Variants in CCDC3 observed in about 807,000 individuals in gnomAD.
CCDC3 encodes coiled-coil domain-containing protein 3.
Under a neutral mutation model 21.4 loss-of-function variants are expected in CCDC3, and 24 were observed. The observed-to-expected ratio is 1.12, with a 90% CI of 0.81 to 1.58. The LOEUF (loss-of-function observed/expected upper bound fraction) is 1.58. Among genes scored for constraint, CCDC3 ranks in the 40% most tolerant of loss-of-function variants. The pLI is 0.00. For missense variants in CCDC3, 425 were observed against 360.9 expected (o/e 1.18, Z -1.44); for synonymous variants, 186 against 166.0 (o/e 1.12, Z -0.93).
At position 12,898,434 on chromosome 10, in the gene CCDC3, G is replaced by A. The variant is rs1834036428; in HGVS notation, c.795C>T (p.Pro265=). Residue 265 remains proline, a synonymous_variant, in exon 3 of 3, where the codon CCC becomes CCT. Transcript: ENST00000378825. ...AGGCCCGTTACCCCCGCAGGTAGGG[G>A]GGGCGCACGGGCCCCCGGGCATTGA... ...PHINARGPVR[P]PYLRG The A allele has an allele frequency of 1.2e-6, 2 of 1,604,084 alleles. No homozygotes were observed. Among genetic ancestry groups the A allele is most frequent in the South Asian group, 2.2e-5 (2 of 90,722 alleles).
chr10:13,045,055 C>G (rs1260080014), intron 5 of CCDC3, among the ~76,000 whole-genome samples: 1 of 152,112 alleles, frequency 6.6e-6, no homozygotes, highest in Non-Finnish European at 1.5e-5. Flanking sequence ...TTTAAACATA[C>G]ACGAACAAGC....
chr10:12,909,899 G>A (rs1564279543), intron 2 of CCDC3, among the ~76,000 whole-genome samples: 2 of 152,228 alleles, frequency 1.3e-5, no homozygotes, highest in African/African-American at 4.8e-5. Flanking sequence ...GAAAAAGGCA[G>A]TGAAAGGCCA....
At chr10:13,024,244 G>C (rs1348180460) in intron 5 of CCDC3, among the ~76,000 whole-genome samples, 1 of 151,316 alleles carries the variant, frequency 6.6e-6, no homozygotes, top group African/African-American at 2.4e-5. Flanking sequence ...TTTCAGTCCA[G>C]GCTGATATAA....
intron 5 of CCDC3, among the ~76,000 whole-genome samples, chr10:13,049,475 G>A (rs1054661588): frequency 2.6e-5 from 4 of 152,098 alleles, no homozygotes; most frequent in Admixed American, 1.3e-4. Flanking sequence ...AACCTGTGAC[G>A]CTGGAAAAGT....
intron 1 of CCDC3, among the ~76,000 whole-genome samples, chr10:12,999,829 C>T (rs77196529): frequency 0.019 from 2,961 of 152,292 alleles, 112 homozygotes; most frequent in African/African-American, 0.068. Flanking sequence ...TTCTCAGTAT[C>T]TTTCCTAATT....
At chr10:13,067,703 T>C (rs1308920448) in intron 4 of CCDC3, among the ~76,000 whole-genome samples, 3 of 152,202 alleles carry the variant, frequency 2.0e-5, no homozygotes, top group Non-Finnish European at 4.4e-5. Context: ...CTGCATGATC[T>C]GTTGCTGATT....
chr10:13,052,245 G>A (rs755740612), intron 4 of CCDC3, among the ~76,000 whole-genome samples: 2 of 152,004 alleles, frequency 1.3e-5, no homozygotes, highest in Non-Finnish European at 2.9e-5. Context: ...ATGGTGGCAC[G>A]TGCCTATAGT....
intron 3 of CCDC3, among the ~76,000 whole-genome samples, chr10:13,095,452 G>A (rs1189244279): frequency 6.6e-6 from 1 of 152,090 alleles, no homozygotes; most frequent in Non-Finnish European, 1.5e-5. Context: ...GGTGGTTTTG[G>A]GATGAAATGG....
At chr10:13,010,727 A>G (rs909176715) in intron 5 of CCDC3, among the ~76,000 whole-genome samples, 1 of 152,238 alleles carries the variant, frequency 6.6e-6, no homozygotes, top group Non-Finnish European at 1.5e-5. Context: ...CCACAGGTAC[A>G]TGAAAAAATA....
At chr10:12,912,152 G>A (rs553142583) in intron 2 of CCDC3, among the ~76,000 whole-genome samples, 2 of 152,282 alleles carry the variant, frequency 1.3e-5, no homozygotes, top group East Asian at 3.9e-4. Flanking sequence ...TGTATACCCA[G>A]TAGTGGGATT....
In CCDC3 at chr10:12,898,146, G is replaced by A. The variant is rs571967158; in HGVS notation, c.*270C>T. The A allele has an allele frequency of 3.6e-5, 17 of 477,664 alleles. No homozygotes were observed. Among genetic ancestry groups the A allele is most frequent in the South Asian group, 2.4e-4 (6 of 25,362 alleles). 29.6% of individuals were successfully genotyped at this position (477,664 alleles called of 1,614,324 possible). A position where few individuals can be genotyped will look rare whatever the true frequency, so the allele number is the denominator to read the frequency against. On this transcript the variant is annotated 3_prime_UTR_variant, in exon 3 of 3. Transcript: ENST00000378825. ...GCTCTTTCTGGGCTGCTCTGCAGGC[G>A]AGCATTCAGCACTCAGGGATCCCAC...
In CCDC3 at chr10:13,014,342, T is replaced by C. The variant is rs1396655963; in HGVS notation, c.-1-15830A>G. ...GCAGGCACCTGTAATCCCAGCTACT[T>C]GGGAGGCTGAGGCAGGAGAATGGCG... is the stretch of plus-strand genomic sequence containing the variant. On this transcript the variant is annotated intron_variant, in intron 5 of 6. Transcript: ENST00000378839. Among the ~76,000 whole-genome samples the C allele has an allele frequency of 2.5e-3, 361 of 144,592 alleles. 2 individuals are homozygous for C. Among genetic ancestry groups the C allele is most frequent in the Non-Finnish European group, 4.3e-3 (283 of 65,604 alleles). 94.9% of individuals were successfully genotyped at this position (144,592 alleles called of 152,430 possible). A position where few individuals can be genotyped will look rare whatever the true frequency, so the allele number is the denominator to read the frequency against.
At chr10:12,996,915 C>T (rs556008521) in intron 2 of CCDC3, among the ~76,000 whole-genome samples, 3 of 152,138 alleles carry the variant, frequency 2.0e-5, no homozygotes, top group South Asian at 2.1e-4. Flanking sequence ...ACAATAGACA[C>T]GGGGGCCTAC....
At chr10:12,940,394 G>T (rs1210589868) in intron 2 of CCDC3, among the ~76,000 whole-genome samples, 2 of 152,136 alleles carry the variant, frequency 1.3e-5, no homozygotes, top group African/African-American at 2.4e-5. Context: ...GAACCTCAAA[G>T]TCTATGGCCT....
chr10:13,089,253 CTT>C (rs979660824), intron 3 of CCDC3, among the ~76,000 whole-genome samples: 16 of 152,156 alleles, frequency 1.1e-4, no homozygotes, highest in South Asian at 6.2e-4. Flanking sequence ...TAAATGAACA[CTT>C]ATGAATATTT....
In CCDC3 at chr10:12,936,230, G is replaced by A. The variant is rs188224134; in HGVS notation, c.550-37551C>T. On this transcript the variant is annotated intron_variant, in intron 2 of 2. Coordinates refer to ENST00000378825, the MANE Select transcript of CCDC3 (RefSeq NM_031455.4). ...GGATAATTTCACAGTGTACAGAATT[G>A]TAGGGTTGTTTTTTTCTCTCAGCAC... 1.8e-4 allele frequency among the ~76,000 whole-genome samples: 27 copies of A among 152,274 alleles called. No homozygotes were observed. The East Asian group carries it at 3.1e-3, about 17-fold the overall frequency.
At chr10:12,923,421 T>C (rs1457831361) in intron 2 of CCDC3, among the ~76,000 whole-genome samples, 2 of 152,194 alleles carry the variant, frequency 1.3e-5, no homozygotes, top group African/African-American at 4.8e-5. Flanking sequence ...TGCTGCTTCC[T>C]CCTGGCACGC....
At chr10:12,917,398 G>T (rs532964441) in intron 2 of CCDC3, among the ~76,000 whole-genome samples, 2 of 151,686 alleles carry the variant, frequency 1.3e-5, no homozygotes, top group African/African-American at 2.4e-5. Flanking sequence ...GGGTTTCACC[G>T]TGTTAGCCAG....
chr10:12,951,312 C>T (rs947584653), intron 2 of CCDC3, among the ~76,000 whole-genome samples: 2 of 152,190 alleles, frequency 1.3e-5, no homozygotes, highest in African/African-American at 4.8e-5. Flanking sequence ...GCTGTGATTG[C>T]ACCACTGCAC....
Sources: allele counts gnomAD v4.1 joint callset (sites outside exome capture counted in the v4.1 genomes callset), GRCh38; gene constraint gnomAD v4.1.1; transcripts MANE v1.5; gene names NCBI Gene and HGNC (gene_info 2026-07-23, HGNC 2026-07-21).